Variants in PTPRT observed in about 807,000 individuals in gnomAD.
PTPRT encodes receptor-type tyrosine-protein phosphatase T.
Under a neutral mutation model 176.8 loss-of-function variants are expected in PTPRT, and 56 were observed. The ratio of observed to expected loss-of-function variants is 0.32; its 90% CI spans 0.26 to 0.40. The LOEUF is 0.40. Among genes scored for constraint, PTPRT ranks in the 10% least tolerant of loss-of-function variants. The pLI is 1.00. For missense variants in PTPRT, 1,540 were observed against 1,908.2 expected (o/e 0.81, Z 3.60); for synonymous variants, 783 against 739.0 (o/e 1.06, Z -0.96).
At chr20:42,363,752 C>T (rs913705470) in intron 9 of PTPRT, among the ~76,000 whole-genome samples, 11 of 152,218 alleles carry the variant, frequency 7.2e-5, no homozygotes, top group South Asian at 2.1e-4. Flanking sequence ...TCCCACTTTG[C>T]GGATGAGAAA....
intron 1 of PTPRT, among the ~76,000 whole-genome samples, chr20:42,924,498 T>C (rs1032274954): frequency 1.3e-5 from 2 of 152,124 alleles, no homozygotes; most frequent in Admixed American, 6.5e-5. Context: ...GGAGCAAAAT[T>C]GGTGAGAGGA....
intron 3 of PTPRT, among the ~76,000 whole-genome samples, chr20:42,784,630 A>G (rs993492460): frequency 6.6e-6 from 1 of 152,170 alleles, no homozygotes; most frequent in African/African-American, 2.4e-5. Flanking sequence ...CTAAATCTAC[A>G]GAGTGCCACA....
intron 12 of PTPRT, among the ~76,000 whole-genome samples, chr20:42,305,403 A>C (rs1476419106): frequency 6.6e-6 from 1 of 152,148 alleles, no homozygotes; most frequent in Non-Finnish European, 1.5e-5. Flanking sequence ...ATGTATACAT[A>C]CATACTCATA....
chr20:42,726,324 C>A (rs1270356246), intron 6 of PTPRT, among the ~76,000 whole-genome samples: 1 of 152,086 alleles, frequency 6.6e-6, no homozygotes, highest in Non-Finnish European at 1.5e-5. Context: ...GGTGATCTGC[C>A]TGCCTTGGCC....
intron 11 of PTPRT, among the ~76,000 whole-genome samples, chr20:42,319,112 G>C (rs145630773): frequency 1.2e-3 from 181 of 152,250 alleles, no homozygotes; most frequent in African/African-American, 4.2e-3. Context: ...CCACCAATCT[G>C]ATTACTGAAG....
In PTPRT at chr20:43,189,625, G is replaced by A; in HGVS notation, c.88+21C>T. The A allele has an allele frequency of 1.6e-6, 2 of 1,243,490 alleles. No individual in the cohort carries two copies. Among genetic ancestry groups the A allele is most frequent in the Non-Finnish European group, 2.0e-6 (2 of 993,184 alleles). 77.0% of individuals were successfully genotyped at this position (1,243,490 alleles called of 1,614,324 possible). The stretch of plus-strand genomic sequence containing the variant: ...CCAGGAGGGAGCGGGGAGCCCAGGG[G>A]AGCCGGGCGGGCGCACTCACCTGCG... On this transcript the variant is annotated intron_variant, in intron 1 of 30. Coordinates refer to ENST00000373187, the MANE Select transcript of PTPRT (RefSeq NM_007050.6). The surrounding 1 kb of genome is among the most constrained non-coding windows in gnomAD (Gnocchi z 5.0).
intron 7 of PTPRT, among the ~76,000 whole-genome samples, chr20:42,611,075 T>C (rs6102941): frequency 0.12 from 18,171 of 152,234 alleles, 2,681 homozygotes; most frequent in African/African-American, 0.35. Flanking sequence ...CATCAGCTGA[T>C]GGGCATGTGG....
chr20:42,813,381 CCTTT>C (rs1313832046), intron 2 of PTPRT, among the ~76,000 whole-genome samples: 4 of 152,074 alleles, frequency 2.6e-5, no homozygotes, highest in East Asian at 1.9e-4. Context: ...TCCCTTCCTT[CCTTT>C]TTCTTCCTTC....
chr20:42,477,784 G>C (rs1206008586), intron 7 of PTPRT, among the ~76,000 whole-genome samples: 1 of 151,918 alleles, frequency 6.6e-6, no homozygotes, highest in African/African-American at 2.4e-5. Flanking sequence ...CTGGGAAGCT[G>C]GAAAACCATC....
intron 2 of PTPRT, among the ~76,000 whole-genome samples, chr20:42,869,902 T>C (rs983107304): frequency 6.6e-6 from 1 of 152,172 alleles, no homozygotes; most frequent in African/African-American, 2.4e-5. Flanking sequence ...TGAATGGGAA[T>C]AGCAACATTA....
intron 1 of PTPRT, among the ~76,000 whole-genome samples, chr20:43,096,553 C>T (rs1001342670): frequency 6.6e-6 from 1 of 152,232 alleles, no homozygotes; most frequent in African/African-American, 2.4e-5. Flanking sequence ...GGTTCCTCCA[C>T]TCCTGGCCGG....
chr20:42,270,662 A>T (rs928479363), intron 13 of PTPRT, among the ~76,000 whole-genome samples: 9 of 152,240 alleles, frequency 5.9e-5, no homozygotes, highest in Non-Finnish European at 1.2e-4. Context: ...GGCACCACTT[A>T]TCAAGCACCC....
chr20:42,693,968 T>C (rs1045598234), intron 6 of PTPRT, among the ~76,000 whole-genome samples: 1 of 152,080 alleles, frequency 6.6e-6, no homozygotes, highest in African/African-American at 2.4e-5. Context: ...ATATAATCTC[T>C]TGGGACTGTT....
intron 30 of PTPRT, among the ~76,000 whole-genome samples, chr20:42,081,219 C>T (rs1983300063): frequency 6.6e-6 from 1 of 152,060 alleles, no homozygotes; most frequent in African/African-American, 2.4e-5. Context: ...TACAAGGCAG[C>T]CAGAAATCTT....
At chr20:42,304,423 G>A (rs1214366135) in intron 12 of PTPRT, among the ~76,000 whole-genome samples, 2 of 152,030 alleles carry the variant, frequency 1.3e-5, no homozygotes, top group South Asian at 2.1e-4. Context: ...GCCAAGCCCC[G>A]TGATAAGTGT....
chr20:42,358,843 G>C (rs1334269831), intron 9 of PTPRT, among the ~76,000 whole-genome samples: 1 of 152,176 alleles, frequency 6.6e-6, no homozygotes, highest in East Asian at 1.9e-4. Context: ...TCATTTCCTT[G>C]GTAGTGTGTC....
intron 1 of PTPRT, among the ~76,000 whole-genome samples, chr20:43,097,649 T>C (rs1240026112): frequency 6.6e-6 from 1 of 152,192 alleles, no homozygotes; most frequent in Non-Finnish European, 1.5e-5. Flanking sequence ...GCAGCCAGGC[T>C]CTTCCACAGT....
chr20:42,839,314 T>TC (rs2078237422), intron 2 of PTPRT, among the ~76,000 whole-genome samples: 1 of 151,856 alleles, frequency 6.6e-6, no homozygotes, highest in South Asian at 2.1e-4. Flanking sequence ...TCTGTTTTTT[T>TC]TTTTTTTTTA....
chr20:42,060,690 C>T, the PTPRT span, among the ~76,000 whole-genome samples: 19 of 152,310 alleles, frequency 1.2e-4, no homozygotes, highest in East Asian at 3.7e-3. Flanking sequence ...GTTTCCTCAG[C>T]CATGTGGACC....
Sources: gnomAD v4.1 joint callset for allele counts (sites outside exome capture counted in the v4.1 genomes callset) on GRCh38, gnomAD v4.1.1 for gene constraint, Gnocchi (gnomAD v3.1) non-coding constraint, MANE v1.5 for transcripts, NCBI Gene and HGNC (gene_info 2026-07-23, HGNC 2026-07-21) for gene names.